The following SMPD3 variants were observed in gnomAD, a reference collection of about 807,000 sequenced individuals.
The protein encoded by SMPD3 is nSMase-2.
Under a neutral mutation model 55.7 loss-of-function variants are expected in SMPD3, and 21 were observed. The observed-to-expected ratio is 0.38, with a 90% CI of 0.27 to 0.54. The LOEUF is 0.54. Ranked by LOEUF, SMPD3 falls within the 20% of genes least tolerant of loss-of-function variation. The pLI, the probability that SMPD3 is intolerant of heterozygous loss-of-function variation, is 0.80. For missense variants in SMPD3, 842 were observed against 899.6 expected (o/e 0.94, Z 0.82); for synonymous variants, 457 against 404.3 (o/e 1.13, Z -1.56).
intron 1 of SMPD3, among the ~76,000 whole-genome samples, chr16:68,401,900 C>T (rs2090209543): frequency 6.6e-6 from 1 of 152,170 alleles, no homozygotes; most frequent in East Asian, 1.9e-4. Flanking sequence ...GCTCTCCTTC[C>T]CGACTGCCAG....
chr16:68,405,968 G>A (rs1469425196), intron 1 of SMPD3, among the ~76,000 whole-genome samples: 2 of 152,126 alleles, frequency 1.3e-5, no homozygotes, highest in African/African-American at 2.4e-5. Flanking sequence ...ATTGTCAAGC[G>A]GTTTATCTCA....
At chr16:68,378,574 C>A (rs758514804) in intron 2 of SMPD3, among the ~76,000 whole-genome samples, 4 of 152,084 alleles carry the variant, frequency 2.6e-5, no homozygotes, top group East Asian at 1.9e-4. Flanking sequence ...CACACCCCCC[C>A]ACCCCCTCAG....
chr16:68,371,555 A>G lies in SMPD3; in HGVS notation c.627T>C (p.Ser209=), dbSNP rs758847254. The G allele has an allele frequency of 4.4e-6, 7 of 1,597,562 alleles. No homozygotes were observed. In the East Asian group the frequency reaches 1.6e-4, roughly 36 times the overall value. Residue 209 remains serine (S), a synonymous_variant, in exon 3 of 9, where the codon TCT becomes TCC. Coordinates refer to ENST00000219334, the MANE Select transcript of SMPD3 (RefSeq NM_018667.4). ...AVPGSIKRTA[S]VEYKGDGGRH... Reference sequence around the variant, plus strand: ...GCCCACCGTCACCCTTGTACTCCACAGAGGCTGTCCTCTTAATGCTCCCGG... The same window carrying G: ...GCCCACCGTCACCCTTGTACTCCACGGAGGCTGTCCTCTTAATGCTCCCGG...
rs1349962553 is a variant in SMPD3 at position 68,395,105 on chromosome 16, A to AT, written c.-268-8447_-268-8446insA. On this transcript the variant is annotated intron_variant, in intron 1 of 8. Coordinates refer to ENST00000219334, the MANE Select transcript of SMPD3 (RefSeq NM_018667.4). ...GGCTGGAATTGGAAAAAAAAAAAAA[A>AT]GAGGCAGGATTATAGGTGATAGTGT... Among the ~76,000 whole-genome samples, 4 of 151,838 alleles carry AT rather than the reference A, an allele frequency of 2.6e-5. No homozygotes were observed. The East Asian group carries it at 5.8e-4, about 22-fold the overall frequency.
intron 1 of SMPD3, among the ~76,000 whole-genome samples, chr16:68,402,523 C>G (rs1425753640): frequency 6.6e-6 from 1 of 152,068 alleles, no homozygotes; most frequent in South Asian, 2.1e-4. Context: ...TTCCAGTGGT[C>G]TGTTTGGTAG....
intron 3 of SMPD3, chr16:68,367,969 G>A (rs1282938936): frequency 6.6e-6 from 1 of 152,262 alleles, no homozygotes; most frequent in Non-Finnish European, 1.5e-5. Flanking sequence ...GGGAAACCAT[G>A]AGGGCCTTCC....
chr16:68,413,955 C>T (rs2090321012), intron 1 of SMPD3, among the ~76,000 whole-genome samples: 1 of 152,216 alleles, frequency 6.6e-6, no homozygotes, highest in South Asian at 2.1e-4. Flanking sequence ...TCTCACCATC[C>T]TAGCTGTGAC....
intron 1 of SMPD3, among the ~76,000 whole-genome samples, chr16:68,441,643 A>G (rs1012691961): frequency 7.2e-5 from 11 of 152,148 alleles, no homozygotes; most frequent in African/African-American, 2.7e-4. Flanking sequence ...AGCACATCTT[A>G]ATTGCCACTA....
chr16:68,403,191 C>T (rs985467898), intron 1 of SMPD3, among the ~76,000 whole-genome samples: 1 of 152,202 alleles, frequency 6.6e-6, no homozygotes, highest in African/African-American at 2.4e-5. Context: ...CTCCTGTCAC[C>T]CTCTATTCCC....
intron 2 of SMPD3, among the ~76,000 whole-genome samples, chr16:68,377,991 T>C (rs1364291600): frequency 2.0e-5 from 3 of 152,198 alleles, no homozygotes; most frequent in Non-Finnish European, 4.4e-5. Flanking sequence ...TGCCCCACTT[T>C]GGCGCTAGGA....
intron 1 of SMPD3, among the ~76,000 whole-genome samples, chr16:68,441,130 T>C (rs1213751051): frequency 6.6e-6 from 1 of 152,190 alleles, no homozygotes; most frequent in Non-Finnish European, 1.5e-5. Context: ...CTTCCTCCAA[T>C]AGTAATAACA....
At chr16:68,384,706 T>G (rs754287967) in intron 2 of SMPD3, among the ~76,000 whole-genome samples, 6 of 152,172 alleles carry the variant, frequency 3.9e-5, no homozygotes, top group Non-Finnish European at 8.8e-5. Context: ...TTCTGTTTTC[T>G]AACTCTGAGG....
rs1191733902 is a variant in SMPD3, at chr16:68,371,690, C to T, written c.492G>A (p.Arg164=). 1.9e-6 allele frequency: 3 copies of T among 1,571,864 alleles called. No individual in the cohort carries two copies. Among genetic ancestry groups the T allele is most frequent in the South Asian group, 2.4e-5 (2 of 84,556 alleles). The change falls in exon 3 of 9, where the codon CGG becomes CGA. Residue 164 remains arginine, a synonymous_variant. Coordinates refer to ENST00000219334, the MANE Select transcript of SMPD3 (RefSeq NM_018667.4). ...IGQRIRNGAA[R]PQIKIYIDSP... is the part of the protein sequence containing the mutation. ...AGTCGATGTAAATTTTGATCTGGGG[C>T]CGGGCGGCCCCATTGCGGATTCTCT...
chr16:68,408,585 A>G (rs1327204322), intron 1 of SMPD3, among the ~76,000 whole-genome samples: 2 of 152,242 alleles, frequency 1.3e-5, no homozygotes, highest in East Asian at 3.8e-4. Flanking sequence ...TTCAATCAGC[A>G]TATTGCTGAA....
At chr16:68,421,926 A>G (rs762880483) in intron 1 of SMPD3, among the ~76,000 whole-genome samples, 3 of 152,212 alleles carry the variant, frequency 2.0e-5, no homozygotes, top group Non-Finnish European at 2.9e-5. Flanking sequence ...TAAGTCAAGC[A>G]TCTTGAGATG....
intron 8 of SMPD3, 137 bp from the exon 9 acceptor site, chr16:68,361,444 C>T: frequency 7.4e-7 from 1 of 1,353,974 alleles, no homozygotes; most frequent in East Asian, 2.3e-5. Context: ...AGGGATGGGG[C>T]CTGGAGGACC....
At chr16:68,374,564 G>A (rs1418860000) in intron 2 of SMPD3, among the ~76,000 whole-genome samples, 3 of 152,248 alleles carry the variant, frequency 2.0e-5, no homozygotes, top group Admixed American at 6.5e-5. Flanking sequence ...TGCTCAGCGG[G>A]ACTGGTGGGT....
At chr16:68,361,855 G>GT in intron 7 of SMPD3, 96 bp from the exon 8 acceptor site, 1 of 1,083,826 alleles carries the variant, frequency 9.2e-7, no homozygotes, top group Non-Finnish European at 1.3e-6. Context: ...CCCAGTGTGG[G>GT]AGCGGGTGGG....
chr16:68,387,903 G>T (rs1020110042), intron 1 of SMPD3, among the ~76,000 whole-genome samples: 1 of 152,234 alleles, frequency 6.6e-6, no homozygotes, highest in East Asian at 1.9e-4. Context: ...GCTGGCAGGA[G>T]CGCCTCCTCT....
Sources: allele counts gnomAD v4.1 joint callset (sites outside exome capture counted in the v4.1 genomes callset), GRCh38; gene constraint gnomAD v4.1.1; transcripts MANE v1.5; gene names NCBI Gene and HGNC (gene_info 2026-07-23, HGNC 2026-07-21).